The following PPP1R9A variants were observed in gnomAD, a reference collection of about 807,000 sequenced individuals.
PPP1R9A encodes neurabin-1.
PPP1R9A carries 59 observed loss-of-function variants against 141.9 expected under a neutral mutation model. The ratio of observed to expected loss-of-function variants is 0.42; its 90% CI spans 0.34 to 0.52. The LOEUF (loss-of-function observed/expected upper bound fraction) is 0.52, where lower values mean the gene tolerates loss of function less well. PPP1R9A is among the 20% of genes least tolerant of loss of function. PPP1R9A has a pLI of 0.10. For missense variants in PPP1R9A, 1,444 were observed against 1,611.9 expected, an observed-to-expected ratio of 0.90 and a Z score of 1.78; for synonymous variants, 500 against 569.7, an observed-to-expected ratio of 0.88 and a Z score of 1.74.
intron 2 of PPP1R9A, among the ~76,000 whole-genome samples, chr7:94,980,074 A>T (rs1267172681): frequency 6.6e-6 from 1 of 151,228 alleles, no homozygotes; most frequent in East Asian, 1.9e-4. Context: ...TTTGGCCACA[A>T]CTCTACACTC....
chr7:95,167,804 A>G (rs1017404908), intron 5 of PPP1R9A, among the ~76,000 whole-genome samples: 5 of 149,154 alleles, frequency 3.4e-5, no homozygotes. Flanking sequence ...CAAATTTACA[A>G]TAGTTAAAAA....
chr7:95,236,640 AT>A (rs1796712135), intron 8 of PPP1R9A, among the ~76,000 whole-genome samples: 1 of 145,460 alleles, frequency 6.9e-6, no homozygotes, highest in African/African-American at 2.5e-5. Context: ...TTTTTGTAGA[AT>A]TTTATCTGTC....
At chr7:95,279,254 T>C (rs1243489974) in intron 16 of PPP1R9A, among the ~76,000 whole-genome samples, 1 of 152,188 alleles carries the variant, frequency 6.6e-6, no homozygotes, top group Admixed American at 6.5e-5. Context: ...CTATGACAAG[T>C]ACCTGGAGGG....
At chr7:95,256,509 C>T (rs956707953) in intron 12 of PPP1R9A, among the ~76,000 whole-genome samples, 1 of 152,084 alleles carries the variant, frequency 6.6e-6, no homozygotes, top group Non-Finnish European at 1.5e-5. Flanking sequence ...CTCTGTCACA[C>T]ATTATATGAA....
At chr7:94,996,296 C>A (rs1299407015) in intron 2 of PPP1R9A, among the ~76,000 whole-genome samples, 1 of 151,998 alleles carries the variant, frequency 6.6e-6, no homozygotes, top group Admixed American at 6.5e-5. Flanking sequence ...AGAAAATATG[C>A]ATAAAAGACG....
intron 4 of PPP1R9A, among the ~76,000 whole-genome samples, chr7:95,123,838 T>C (rs1020255267): frequency 6.6e-6 from 1 of 152,192 alleles, no homozygotes; most frequent in Non-Finnish European, 1.5e-5. Context: ...TAACCTTCCA[T>C]AGTGCTATTC....
chr7:95,250,911 G>A (rs572855776), intron 10 of PPP1R9A, among the ~76,000 whole-genome samples: 7 of 152,038 alleles, frequency 4.6e-5, no homozygotes, highest in Non-Finnish European at 8.8e-5. Context: ...TGACCACGGA[G>A]ATTTTTACTA....
chr7:95,206,973 A>G (rs574512441), intron 7 of PPP1R9A, among the ~76,000 whole-genome samples: 1 of 152,156 alleles, frequency 6.6e-6, no homozygotes, highest in Non-Finnish European at 1.5e-5. Flanking sequence ...TGCCAGTGTC[A>G]AACCTTGGGT....
intron 4 of PPP1R9A, among the ~76,000 whole-genome samples, chr7:95,140,446 A>G (rs1788363232): frequency 6.6e-6 from 1 of 152,188 alleles, no homozygotes; most frequent in Admixed American, 6.5e-5. Flanking sequence ...GCTGGACTGT[A>G]GTGGCATAAT....
chr7:95,251,623 T>A (rs754854457), intron 10 of PPP1R9A, 139 bp from the exon 11 acceptor site: 1 of 761,148 alleles, frequency 1.3e-6, no homozygotes, highest in Non-Finnish European at 2.0e-6. Context: ...ATTACTATAC[T>A]TTTTCCTCTA....
chr7:95,129,104 G>C (rs1464064501), intron 4 of PPP1R9A, among the ~76,000 whole-genome samples: 2 of 152,100 alleles, frequency 1.3e-5, no homozygotes, highest in African/African-American at 4.8e-5. Context: ...TATTGCATAG[G>C]GAGTCCTTTC....
Position 95,062,939 on chromosome 7 carries a change from G to A in PPP1R9A, c.1396-48320G>A, listed in dbSNP as rs191026043. On this transcript the variant is annotated intron_variant, in intron 2 of 19. Coordinates refer to ENST00000433360, the MANE Select transcript of PPP1R9A (RefSeq NM_001166160.2). ...GGGGGACTGCAGGGTTGCAGCTGCAGTCCTGCAAATATTGTTAAAATAAAC... is the reference window on the plus strand; with the variant it reads ...GGGGGACTGCAGGGTTGCAGCTGCAATCCTGCAAATATTGTTAAAATAAAC... Among the ~76,000 whole-genome samples, 137 of 152,294 alleles carry A rather than the reference G, an allele frequency of 9.0e-4. 1 individual carries two copies. The highest frequency in any genetic ancestry group is 6.8e-3 in the Middle Eastern group (2 of 294).
At chr7:95,065,487 T>A (rs1354484622) in intron 2 of PPP1R9A, among the ~76,000 whole-genome samples, 1 of 152,200 alleles carries the variant, frequency 6.6e-6, no homozygotes, top group Non-Finnish European at 1.5e-5. Context: ...TTTGGACAAC[T>A]TTAAGTTTAC....
At chr7:95,221,674 A>T (rs1432278306) in intron 7 of PPP1R9A, among the ~76,000 whole-genome samples, 8 of 152,110 alleles carry the variant, frequency 5.3e-5, no homozygotes, top group Non-Finnish European at 1.5e-5. Context: ...GGAAGATTTA[A>T]TAAAGACTGG....
chr7:95,121,135 A>G (rs866422593), intron 4 of PPP1R9A, among the ~76,000 whole-genome samples: 9 of 152,212 alleles, frequency 5.9e-5, no homozygotes, highest in Admixed American at 3.3e-4. Context: ...AATGTGTGCT[A>G]TGGAGGTCAG....
chr7:94,936,050 T>A (rs991496880), intron 2 of PPP1R9A, among the ~76,000 whole-genome samples: 3 of 152,202 alleles, frequency 2.0e-5, no homozygotes, highest in South Asian at 4.1e-4. Flanking sequence ...TTTCATCCCT[T>A]AGAGAAAGCC....
At chr7:94,925,971 G>A (rs112365003) in intron 2 of PPP1R9A, among the ~76,000 whole-genome samples, 13 of 152,100 alleles carry the variant, frequency 8.5e-5, no homozygotes, top group East Asian at 3.9e-4. Context: ...GATTACAGGC[G>A]TGCGCTGCCA....
In PPP1R9A at chr7:95,040,045, A is replaced by T. The variant is rs187632324; in HGVS notation, c.1396-71214A>T. 8.5e-5 allele frequency among the ~76,000 whole-genome samples: 13 copies of T among 152,274 alleles called. No homozygotes were observed. The East Asian group carries it at 2.5e-3, about 29-fold the overall frequency. On this transcript the variant is annotated intron_variant, in intron 2 of 19. Transcript: ENST00000433360. Reference sequence around the variant, plus strand: ...CTTGAAATAAGAGAGACGGTGGAAGATACATCTATCCTATAGAGGAACGAG... The same window carrying T: ...CTTGAAATAAGAGAGACGGTGGAAGTTACATCTATCCTATAGAGGAACGAG...
intron 2 of PPP1R9A, among the ~76,000 whole-genome samples, chr7:95,098,662 C>T (rs1818360469): frequency 1.3e-5 from 2 of 152,184 alleles, no homozygotes; most frequent in African/African-American, 4.8e-5. Context: ...GCCCCTTTCA[C>T]TTTAGCCCGC....
Sources: gnomAD v4.1 joint callset for allele counts (sites outside exome capture counted in the v4.1 genomes callset) on GRCh38, gnomAD v4.1.1 for gene constraint, MANE v1.5 for transcripts, NCBI Gene and HGNC (gene_info 2026-07-23, HGNC 2026-07-21) for gene names.